CCDC27: variants seen among roughly 807,000 people sequenced by gnomAD.
CCDC27 encodes the protein coiled-coil domain containing 27, also known as coiled-coil domain-containing protein 27.
A neutral mutation model predicts 80.3 loss-of-function variants in CCDC27; 80 were observed. The observed-to-expected ratio is 1.00, with a 90% CI of 0.83 to 1.20. The LOEUF (loss-of-function observed/expected upper bound fraction) is 1.20, where lower values mean the gene tolerates loss of function less well. CCDC27 is among the 50% of genes most tolerant of loss of function. The pLI, the probability that CCDC27 is intolerant of heterozygous loss-of-function variation, is 0.00. For missense variants in CCDC27, 815 were observed against 809.4 expected (o/e 1.01, Z -0.08); for synonymous variants, 342 against 334.3 (o/e 1.02, Z -0.25).
At chr1:3,765,439 T>C (rs529253048) in intron 8 of CCDC27, among the ~76,000 whole-genome samples, 1 of 152,364 alleles carries the variant, frequency 6.6e-6, no homozygotes, top group East Asian at 1.9e-4. Context: ...TCTCTCACAC[T>C]ATTGGACCTC....
In CCDC27 at chr1:3,754,150, C is replaced by G. The variant is rs1642893961; in HGVS notation, c.351C>G (p.Gly117=). ...CCAAGGATGCCGCCAGCCTCACCGG[C>G]TTCATGTCCAAAATGGAACTTCGAA... ...SEPKDAASLT[G]FMSKMELRRV... The change falls in exon 2 of 12, where the codon GGC becomes GGG. Residue 117 remains glycine, a synonymous_variant. Transcript: ENST00000294600. The G allele has an allele frequency of 1.9e-6, 3 of 1,613,622 alleles. No individual in the cohort carries two copies. The highest frequency in any genetic ancestry group is 1.7e-5 in the Admixed American group (1 of 59,986).
rs1642929888 is a variant in CCDC27, at chr1:3,755,494, C to T, written c.480C>T (p.Asp160=). ...PTEADLSGEI[D]NSSETWRGTQ... is the part of the protein sequence containing the mutation. ...AGGCCGATTTGTCCGGAGAGATTGA[C>T]AACAGCTCGGAGACCTGGAGAGGCA... Residue 160 remains aspartate, a synonymous_variant, in exon 3 of 12, where the codon GAC becomes GAT. Coordinates refer to ENST00000294600, the MANE Select transcript of CCDC27 (RefSeq NM_152492.3). 6.2e-7 allele frequency: 1 copy of T among 1,614,086 alleles called. No homozygotes were observed. The highest frequency in any genetic ancestry group is 8.5e-7 in the Non-Finnish European group (1 of 1,180,036).
chr1:3,765,938 A>C (rs1378847967), intron 8 of CCDC27, among the ~76,000 whole-genome samples: 1 of 150,908 alleles, frequency 6.6e-6, no homozygotes, highest in Admixed American at 6.6e-5. Context: ...GTGTGATCAC[A>C]GCTCACTGCA....
chr1:3,752,981 T>G (rs1356487021), intron 1 of CCDC27, among the ~76,000 whole-genome samples, 182 bp downstream of exon 1: 2 of 152,190 alleles, frequency 1.3e-5, no homozygotes, highest in Admixed American at 1.3e-4. Context: ...AGCCCTGCGG[T>G]CCTCTCCCTT....
chr1:3,756,782 G>A lies in CCDC27; in HGVS notation c.603G>A (p.Arg201=). 1.2e-6 allele frequency: 2 copies of A among 1,614,106 alleles called. No homozygotes were observed. The highest frequency in any genetic ancestry group is 1.7e-6 in the Non-Finnish European group (2 of 1,180,014). Residue 201 remains arginine, a synonymous_variant, in exon 4 of 12, where the codon CGG becomes CGA. Coordinates refer to ENST00000294600, the MANE Select transcript of CCDC27 (RefSeq NM_152492.3). Reference sequence around the variant, plus strand: ...GCATCTGCGAGTTCGATTACTTGCGGAAGAGGAGAAAATCCCAGACTTTGA... The same window carrying A: ...GCATCTGCGAGTTCGATTACTTGCGAAAGAGGAGAAAATCCCAGACTTTGA... ...SKSICEFDYL[R]KRRKSQTLSP...
rs750795328 is a variant in CCDC27 at position 3,767,240 on chromosome 1, C to T, written c.1538C>T (p.Ser513Leu). Residue 513 changes from serine to leucine, a missense_variant, in exon 10 of 12, where the codon TCG becomes TTG. Transcript: ENST00000294600. ...CTCCCCGGCTGTCCCCAGCAAGTGT[C>T]GGAACTGGAGAGAAAGCTCACCAAG... ...KDNQLLRQQV[S>L]ELERKLTKRD... 1.6e-5 allele frequency: 26 copies of T among 1,613,812 alleles called. No homozygotes were observed. The highest frequency in any genetic ancestry group is 1.2e-4 in the South Asian group (11 of 91,042).
At chr1:3,762,457 C>T (rs559262147) in intron 5 of CCDC27, among the ~76,000 whole-genome samples, 163 bp from the exon 6 acceptor site, 7 of 152,288 alleles carry the variant, frequency 4.6e-5, no homozygotes, top group Non-Finnish European at 8.8e-5. Context: ...TTCCTGTGCC[C>T]TCCACTGCCA....
chr1:3,757,741 C>T (rs148215808), intron 4 of CCDC27, among the ~76,000 whole-genome samples: 2,956 of 151,962 alleles, frequency 0.019, 48 homozygotes, highest in South Asian at 0.057. Flanking sequence ...GGCTAACACG[C>T]GAAACCCCGT....
chr1:3,762,603 C>A lies in CCDC27; in HGVS notation c.862-17C>A. ...AGGAGGGGCTGGAAAGCTGAGGGTC[C>A]CACGGGCGTCTTGCAGGAGCAGCTC... On this transcript the variant is annotated splice_polypyrimidine_tract_variant and intron_variant, in intron 5 of 11. Transcript: ENST00000294600. The A allele has an allele frequency of 6.5e-7, 1 of 1,549,042 alleles. No individual in the cohort carries two copies. The highest frequency in any genetic ancestry group is 8.7e-7 in the Non-Finnish European group (1 of 1,145,330).
chr1:3,763,040 G>A lies in CCDC27; in HGVS notation c.955-68G>A. ...GCCCTCCCCGGTGCCCCCGCCATGA[G>A]CATTAGAGCCCTCTGCCCTGGGGGT... On this transcript the variant is annotated intron_variant, in intron 6 of 11. Transcript: ENST00000294600. The surrounding 1 kb of genome is among the most constrained non-coding windows in gnomAD (Gnocchi z 7.5). 1.2e-5 allele frequency: 17 copies of A among 1,436,090 alleles called. No homozygotes were observed. In the South Asian group the frequency reaches 2.4e-4, roughly 20 times the overall value. 89.0% of individuals were successfully genotyped at this position (1,436,090 alleles called of 1,614,324 possible).
chr1:3,753,320 CTTTTTTTTT>C (rs71580220), intron 1 of CCDC27, among the ~76,000 whole-genome samples: 4 of 94,998 alleles, frequency 4.2e-5, no homozygotes, highest in East Asian at 2.3e-4. Flanking sequence ...TTTTCTTTTT[CTTTTTTTTT>C]TTTTTTTTTT....
In CCDC27 at chr1:3,761,491, A is replaced by G; in HGVS notation, c.861+61A>G. On this transcript the variant is annotated intron_variant, in intron 5 of 11. Coordinates refer to ENST00000294600, the MANE Select transcript of CCDC27 (RefSeq NM_152492.3). This position sits in a 1 kb window ranked among gnomAD's most constrained non-coding sequence, Gnocchi z 5.0. ...TAAGACGGTTGTTTTCAAAGCGTCCAAAGCTGCTAGTGACACACAGGCCCC... is the reference window on the plus strand; with the variant it reads ...TAAGACGGTTGTTTTCAAAGCGTCCGAAGCTGCTAGTGACACACAGGCCCC... 2 of 1,570,968 alleles carry G rather than the reference A, an allele frequency of 1.3e-6. No homozygotes were observed. The highest frequency in any genetic ancestry group is 1.7e-6 in the Non-Finnish European group (2 of 1,157,546).
At position 3,763,508 on chromosome 1, in the gene CCDC27, C is replaced by T; in HGVS notation, c.1321+34C>T. 1.9e-6 allele frequency: 3 copies of T among 1,560,002 alleles called. No homozygotes were observed. Among genetic ancestry groups the T allele is most frequent in the African/African-American group, 1.4e-5 (1 of 73,658 alleles). On this transcript the variant is annotated intron_variant, in intron 7 of 11. Coordinates refer to ENST00000294600, the MANE Select transcript of CCDC27 (RefSeq NM_152492.3). This position sits in a 1 kb window ranked among gnomAD's most constrained non-coding sequence, Gnocchi z 7.5. ...TCGGCGGGGGGCACTGGGCTTTGGC[C>T]ACTCAGTGGTTCCCGGCCCAGGAGC...
chr1:3,763,791 G>A lies in CCDC27; in HGVS notation c.1407G>A (p.Lys469=), dbSNP rs780223395. 6.2e-7 allele frequency: 1 copy of A among 1,614,160 alleles called. No homozygotes were observed. The highest frequency in any genetic ancestry group is 1.1e-5 in the South Asian group (1 of 91,088). ...KINTENETLQ[K]ELRERRQQLQ... Reference sequence around the variant, plus strand: ...ATACGGAAAATGAGACGCTGCAGAAGGAGCTCCGAGAGCGGAGGCAGCAGC... The same window carrying A: ...ATACGGAAAATGAGACGCTGCAGAAAGAGCTCCGAGAGCGGAGGCAGCAGC... Residue 469 remains lysine, a synonymous_variant, in exon 8 of 12, where the codon AAG becomes AAA. Transcript: ENST00000294600. The surrounding 1 kb of genome is among the most constrained non-coding windows in gnomAD (Gnocchi z 7.5).
chr1:3,764,917 C>T (rs1354608368), intron 8 of CCDC27, among the ~76,000 whole-genome samples: 2 of 151,916 alleles, frequency 1.3e-5, no homozygotes, highest in Admixed American at 1.3e-4. Flanking sequence ...TGCCTGTAAT[C>T]CCAGCTACTC....
At position 3,761,466 on chromosome 1, in the gene CCDC27, TA is replaced by T; in HGVS notation, c.861+38del. ...CCCAGCGGGGCACAGCGCAGAGCTC[TA>T]AGACGGTTGTTTTCAAAGCGTCCAA... On this transcript the variant is annotated intron_variant, in intron 5 of 11. Transcript: ENST00000294600. The surrounding 1 kb of genome is among the most constrained non-coding windows in gnomAD (Gnocchi z 5.0). The T allele has an allele frequency of 6.3e-7, 1 of 1,598,174 alleles. No homozygotes were observed.
chr1:3,765,432 C>T (rs74049722), intron 8 of CCDC27, among the ~76,000 whole-genome samples: 162 of 152,314 alleles, frequency 1.1e-3, no homozygotes, highest in African/African-American at 3.8e-3. Context: ...ATGGCCTTCT[C>T]TCACACTATT....
intron 4 of CCDC27, among the ~76,000 whole-genome samples, chr1:3,758,489 A>AT (rs1643015309): frequency 7.0e-6 from 1 of 143,630 alleles, no homozygotes; most frequent in African/African-American, 2.6e-5. Flanking sequence ...CTCAGCCTTT[A>AT]TTTTTTAGAG....
Position 3,754,237 on chromosome 1 carries a change from C to A in CCDC27, c.438C>A (p.His146Gln). 1.2e-6 allele frequency: 2 copies of A among 1,601,456 alleles called. No individual in the cohort carries two copies. The highest frequency in any genetic ancestry group is 1.3e-5 in the African/African-American group (1 of 74,204). The change falls in exon 2 of 12, where the codon CAC becomes CAA. Residue 146 changes from histidine (H) to glutamine (Q), a missense_variant. His to Gln is a conservative substitution (Grantham distance 24, BLOSUM62 0). Coordinates refer to ENST00000294600, the MANE Select transcript of CCDC27 (RefSeq NM_152492.3). ...GCACCAGGGCCACATCCATGTCCCA[C>A]TGTGGTAAGAGCCCCCCACCAGGAC... ...QFSTRATSMS[H>Q]CGSPTEADLS...
Sources: allele counts gnomAD v4.1 joint callset (sites outside exome capture counted in the v4.1 genomes callset), GRCh38; gene constraint gnomAD v4.1.1; non-coding constraint Gnocchi (gnomAD v3.1); transcripts MANE v1.5; gene names NCBI Gene and HGNC (gene_info 2026-07-23, HGNC 2026-07-21).